FCER1A: variants seen among roughly 807,000 people sequenced by gnomAD.
FCER1A encodes high affinity immunoglobulin epsilon receptor subunit alpha.
In FCER1A, 24 loss-of-function variants were observed where a neutral mutation model predicts 23.6. That is an observed-to-expected ratio of 1.02 (90% confidence interval 0.74 to 1.43). FCER1A has a LOEUF of 1.43. Among genes scored for constraint, FCER1A ranks in the 40% most tolerant of loss-of-function variants. The probability of loss-of-function intolerance (pLI) is 0.00; values close to 1 mark genes in which losing one functional copy is unlikely to be tolerated. For synonymous variants in FCER1A, 121 were observed against 108.8 expected (o/e 1.11, Z -0.70); for missense variants, 318 against 294.5 (o/e 1.08, Z -0.58).
chr1:159,294,707 A>G (rs1458026175), intron 1 of FCER1A, among the ~76,000 whole-genome samples: 3 of 152,204 alleles, frequency 2.0e-5, no homozygotes, highest in Non-Finnish European at 4.4e-5. Flanking sequence ...AAATGAAAAT[A>G]TATGATGAAG....
intron 1 of FCER1A, among the ~76,000 whole-genome samples, chr1:159,293,544 T>TC (rs1335181028): frequency 3.0e-4 from 17 of 56,858 alleles, no homozygotes; most frequent in African/African-American, 1.1e-3. Flanking sequence ...CCCTCCCCCC[T>TC]CCCCCCACCC....
chr1:159,296,288 A>G (rs776640963), intron 1 of FCER1A, among the ~76,000 whole-genome samples: 5 of 152,188 alleles, frequency 3.3e-5, no homozygotes, highest in Admixed American at 6.6e-5. Context: ...ACACACACAT[A>G]TATTTTTTAA....
upstream of FCER1A, among the ~76,000 whole-genome samples, chr1:159,287,531 A>G (rs1405670173): frequency 3.9e-5 from 6 of 152,040 alleles, no homozygotes; most frequent in Non-Finnish European, 7.4e-5. Flanking sequence ...CAAAGACAAG[A>G]TTGGTGGTTT....
chr1:159,305,986 A>C lies in FCER1A; in HGVS notation c.332-2A>C, dbSNP rs747441778. The C allele has an allele frequency of 1.2e-6, 2 of 1,612,934 alleles. No homozygotes were observed. The highest frequency in any genetic ancestry group is 2.2e-5 in the South Asian group (2 of 91,056). On this transcript the variant is annotated splice_acceptor_variant, in intron 3 of 4. Transcript: ENST00000693622. LOFTEE classifies it high-confidence loss of function. ...ATAAATAATGTAATGAATGTTCTTC[A>C]GACTGGCTGCTCCTTCAGGCCTCTG...
At chr1:159,291,563 T>C (rs1431058168) in intron 1 of FCER1A, among the ~76,000 whole-genome samples, 1 of 152,170 alleles carries the variant, frequency 6.6e-6, no homozygotes, top group African/African-American at 2.4e-5. Flanking sequence ...ATTGAATGAG[T>C]GAAAGCCACT....
chr1:159,302,879 G>A lies in FCER1A; in HGVS notation c.76+5G>A, dbSNP rs763791207. ...CTCCAGATGGCGTGTTAGCAGGTGA[G>A]TCCTCTGTTCTTGTTCCCTTGGTGT... On this transcript the variant is annotated splice_donor_5th_base_variant and intron_variant, in intron 2 of 4. Coordinates refer to ENST00000693622, the MANE Select transcript of FCER1A (RefSeq NM_001387280.1). 2 of 1,613,584 alleles carry A rather than the reference G, an allele frequency of 1.2e-6. No homozygotes were observed. Among genetic ancestry groups the A allele is most frequent in the Non-Finnish European group, 1.7e-6 (2 of 1,179,478 alleles).
upstream of FCER1A, among the ~76,000 whole-genome samples, chr1:159,301,047 C>A (rs1652419472): frequency 6.6e-6 from 1 of 152,136 alleles, no homozygotes; most frequent in African/African-American, 2.4e-5. Flanking sequence ...CCTATATTTT[C>A]TAATTCCATA....
intron 4 of FCER1A, among the ~76,000 whole-genome samples, chr1:159,306,816 T>C (rs1214540872): frequency 2.0e-5 from 3 of 152,128 alleles, no homozygotes; most frequent in Non-Finnish European, 4.4e-5. Context: ...CCAAACTCTT[T>C]ATAAGAGAGG....
intron 1 of FCER1A, 69 bp downstream of exon 1, chr1:159,302,488 C>T (rs556940947): frequency 1.8e-6 from 2 of 1,088,708 alleles, no homozygotes; most frequent in African/African-American, 1.5e-5. Context: ...GGGGTAGGAA[C>T]CTTTACTGTG....
chr1:159,307,832 C>T lies in FCER1A; in HGVS notation c.674C>T (p.Ser225Leu). Residue 225 changes from serine to leucine, a missense_variant, in exon 5 of 5, where the codon TCA becomes TTA. Transcript: ENST00000693622. ...GCTGTGGACACAGGATTATTTATCT[C>T]AACTCAGCAGCAGGTCACATTTCTC... ...LFAVDTGLFI[S>L]TQQQVTFLLK... 6.2e-7 allele frequency: 1 copy of T among 1,613,092 alleles called. No individual in the cohort carries two copies. The highest frequency in any genetic ancestry group is 8.5e-7 in the Non-Finnish European group (1 of 1,179,106).
chr1:159,301,473 G>GGAAGT, upstream of FCER1A, among the ~76,000 whole-genome samples: 1 of 152,180 alleles, frequency 6.6e-6, no homozygotes, highest in South Asian at 2.1e-4. Context: ...ACAAAAGCTA[G>GGAAGT]GAAGTAAAAT....
chr1:159,294,753 T>G (rs12135788), intron 1 of FCER1A, among the ~76,000 whole-genome samples: 25,173 of 152,120 alleles, frequency 0.17, 2,955 homozygotes, highest in East Asian at 0.54. Flanking sequence ...TTTGTGTTAG[T>G]TTTAGTGACA....
intron 1 of FCER1A, 75 bp downstream of exon 1, chr1:159,302,494 C>A (rs1652464977): frequency 3.9e-6 from 4 of 1,033,480 alleles, no homozygotes; most frequent in East Asian, 2.4e-5. Context: ...GGAACCTTTA[C>A]TGTGGGTGGT....
At chr1:159,292,206 A>G (rs1413028931) in intron 1 of FCER1A, among the ~76,000 whole-genome samples, 1 of 152,044 alleles carries the variant, frequency 6.6e-6, no homozygotes, top group Non-Finnish European at 1.5e-5. Context: ...TCTACTTTAT[A>G]TCTCTAATAT....
upstream of FCER1A, among the ~76,000 whole-genome samples, chr1:159,286,160 A>G (rs560202876): frequency 1.3e-5 from 2 of 151,876 alleles, no homozygotes; most frequent in Non-Finnish European, 2.9e-5. Context: ...ACTGCACTCC[A>G]GCCTGAGTGA....
chr1:159,293,811 C>T (rs1652223342), intron 1 of FCER1A, among the ~76,000 whole-genome samples: 1 of 151,768 alleles, frequency 6.6e-6, no homozygotes, highest in Non-Finnish European at 1.5e-5. Context: ...CATTTGCAAC[C>T]TACTCATCTG....
At chr1:159,306,822 A>G (rs1652631382) in intron 4 of FCER1A, among the ~76,000 whole-genome samples, 1 of 152,190 alleles carries the variant, frequency 6.6e-6, no homozygotes. Flanking sequence ...TCTTTATAAG[A>G]GAGGGAGCCT....
At chr1:159,305,863 C>A (rs1393124846) in intron 3 of FCER1A, 125 bp from the exon 4 acceptor site, 4 of 839,394 alleles carry the variant, frequency 4.8e-6, no homozygotes, top group African/African-American at 1.7e-5. Context: ...ACTTTATGAG[C>A]CAAAAAGTGA....
intron 1 of FCER1A, among the ~76,000 whole-genome samples, chr1:159,292,318 G>T (rs756106869): frequency 1.3e-5 from 2 of 151,888 alleles, no homozygotes; most frequent in Non-Finnish European, 2.9e-5. Flanking sequence ...CTTCCCAACC[G>T]GAACACTTGG....
Sources: allele counts gnomAD v4.1 joint callset (sites outside exome capture counted in the v4.1 genomes callset), GRCh38; gene constraint gnomAD v4.1.1; transcripts MANE v1.5; gene names NCBI Gene and HGNC (gene_info 2026-07-23, HGNC 2026-07-21).